The following GPHN variants were observed in gnomAD, a reference collection of about 807,000 sequenced individuals.
GPHN encodes the protein gephyrin.
A neutral mutation model predicts 95.5 loss-of-function variants in GPHN; 17 were observed. That is an observed-to-expected ratio of 0.18 (90% CI 0.12 to 0.27). The LOEUF (loss-of-function observed/expected upper bound fraction) is 0.27, where lower values mean the gene tolerates loss of function less well. Ranked by LOEUF, GPHN falls within the 10% of genes least tolerant of loss-of-function variation. The pLI is 1.00. For synonymous variants in GPHN, 320 were observed against 322.5 expected, an observed-to-expected ratio of 0.99 and a Z score of 0.08; for missense variants, 660 against 978.1, an observed-to-expected ratio of 0.67 and a Z score of 4.34.
the GPHN span, among the ~76,000 whole-genome samples, chr14:67,287,326 T>C: frequency 6.6e-6 from 1 of 151,728 alleles, no homozygotes; most frequent in African/African-American, 2.4e-5. Flanking sequence ...TCCATAAATA[T>C]ATTGGATTAA....
chr14:67,126,150 A>G (rs1310096826), intron 17 of GPHN, among the ~76,000 whole-genome samples: 2 of 152,184 alleles, frequency 1.3e-5, no homozygotes, highest in Admixed American at 1.3e-4. Flanking sequence ...ATTAAAATAC[A>G]TTTCTTGTTT....
At chr14:67,358,892 TGAG>T in the GPHN span, among the ~76,000 whole-genome samples, 3 of 152,196 alleles carry the variant, frequency 2.0e-5, no homozygotes, top group East Asian at 3.8e-4. Flanking sequence ...TTCCCAAGCA[TGAG>T]TTCTTTCAAG....
the GPHN span, among the ~76,000 whole-genome samples, chr14:67,309,070 A>T: frequency 6.6e-6 from 1 of 152,222 alleles, no homozygotes; most frequent in African/African-American, 2.4e-5. Context: ...TACAATTTGA[A>T]ATGTAAACAG....
the GPHN span, among the ~76,000 whole-genome samples, chr14:67,701,088 A>T: frequency 2.0e-5 from 3 of 150,766 alleles, no homozygotes; most frequent in Admixed American, 2.0e-4. Context: ...GAAGGAGAGG[A>T]TTATCATTTC....
At chr14:67,211,707 C>T in the GPHN span, among the ~76,000 whole-genome samples, 1 of 152,170 alleles carries the variant, frequency 6.6e-6, no homozygotes, top group East Asian at 1.9e-4. Context: ...AGTGGGAGTA[C>T]CATCCTGGGC....
At chr14:67,313,546 GA>G in the GPHN span, among the ~76,000 whole-genome samples, 3 of 152,108 alleles carry the variant, frequency 2.0e-5, no homozygotes, top group Admixed American at 1.3e-4. Flanking sequence ...GATGGCAGTA[GA>G]ATAAAGAAAG....
chr14:66,529,122 T>C (rs2058809725), intron 1 of GPHN, among the ~76,000 whole-genome samples: 1 of 152,184 alleles, frequency 6.6e-6, no homozygotes, highest in South Asian at 2.1e-4. Context: ...GGTTTGGTCT[T>C]TGTTAACATA....
intron 4 of GPHN, among the ~76,000 whole-genome samples, chr14:66,846,792 A>G (rs917792941): frequency 6.6e-6 from 1 of 152,190 alleles, no homozygotes; most frequent in Non-Finnish European, 1.5e-5. Flanking sequence ...GAAAATGGGT[A>G]TAGGTAAGTA....
At chr14:66,928,828 A>G (rs1304727862) in intron 8 of GPHN, among the ~76,000 whole-genome samples, 1 of 152,050 alleles carries the variant, frequency 6.6e-6, no homozygotes, top group African/African-American at 2.4e-5. Context: ...TATCATTTCC[A>G]AAGTTTTTTT....
At chr14:66,958,845 A>G (rs2068706811) in intron 8 of GPHN, among the ~76,000 whole-genome samples, 1 of 152,164 alleles carries the variant, frequency 6.6e-6, no homozygotes, top group Non-Finnish European at 1.5e-5. Flanking sequence ...TAATGCAATT[A>G]CTATAAAGAA....
At chr14:67,020,966 CA>C (rs2073593822) in intron 9 of GPHN, among the ~76,000 whole-genome samples, 1 of 151,978 alleles carries the variant, frequency 6.6e-6, no homozygotes, top group Admixed American at 6.6e-5. Flanking sequence ...AAACTTGAGA[CA>C]GATCTGTGTT....
the GPHN span, among the ~76,000 whole-genome samples, chr14:67,420,640 C>T: frequency 6.6e-6 from 1 of 152,174 alleles, no homozygotes; most frequent in Non-Finnish European, 1.5e-5. Flanking sequence ...TTGCCAGCGC[C>T]GAGACTCTCA....
At chr14:67,140,181 C>G (rs1172863878) in intron 17 of GPHN, among the ~76,000 whole-genome samples, 2 of 152,120 alleles carry the variant, frequency 1.3e-5, no homozygotes, top group African/African-American at 4.8e-5. Context: ...GTCAGGAGTT[C>G]AAGGCCAGCC....
the GPHN span, chr14:67,317,314 A>G: frequency 7.0e-3 from 8,048 of 1,153,658 alleles, 48 homozygotes; most frequent in Non-Finnish European, 8.7e-3. Flanking sequence ...AAATTTAAAG[A>G]ATAAATGAAT....
Position 66,960,896 on chromosome 14 carries a change from A to G in GPHN, c.829-4295A>G, listed in dbSNP as rs561111612. 2.6e-5 allele frequency among the ~76,000 whole-genome samples: 4 copies of G among 152,208 alleles called. No individual in the cohort carries two copies. The East Asian group carries it at 7.7e-4, about 29-fold the overall frequency. On this transcript the variant is annotated intron_variant, in intron 8 of 22. Coordinates refer to ENST00000478722, the MANE Select transcript of GPHN (RefSeq NM_020806.5). ...ACCTCATTCCATAACCCTCACTCCC[A>G]GGTTTTTCACTTTATCTATTGTTTG...
chr14:66,567,427 G>A (rs1162300226), intron 1 of GPHN, among the ~76,000 whole-genome samples: 2 of 152,180 alleles, frequency 1.3e-5, no homozygotes, highest in African/African-American at 2.4e-5. Flanking sequence ...ACAAGAAAAT[G>A]ATAGATCTAG....
intron 11 of GPHN, among the ~76,000 whole-genome samples, chr14:67,083,424 C>G (rs930350710): frequency 6.6e-6 from 1 of 152,060 alleles, no homozygotes; most frequent in African/African-American, 2.4e-5. Flanking sequence ...GCCACTCTCC[C>G]TTTGTCTTCT....
At chr14:66,898,520 G>C (rs1400857666) in intron 5 of GPHN, among the ~76,000 whole-genome samples, 4 of 133,116 alleles carry the variant, frequency 3.0e-5, no homozygotes, top group African/African-American at 1.1e-4. Context: ...AATGGCTTTT[G>C]CACCTTTGTT....
chr14:67,551,172 G>A, the GPHN span, among the ~76,000 whole-genome samples: 1 of 152,180 alleles, frequency 6.6e-6, no homozygotes, highest in Non-Finnish European at 1.5e-5. Context: ...CATTCTTTCT[G>A]TAGGTGAATC....
Sources: gnomAD v4.1 joint callset for allele counts (sites outside exome capture counted in the v4.1 genomes callset) on GRCh38, gnomAD v4.1.1 for gene constraint, MANE v1.5 for transcripts, NCBI Gene and HGNC (gene_info 2026-07-23, HGNC 2026-07-21) for gene names.